FAM83E: variants seen among roughly 807,000 people sequenced by gnomAD.
FAM83E encodes the protein protein FAM83E.
Under a neutral mutation model 34.3 loss-of-function variants are expected in FAM83E, and 29 were observed. The ratio of observed to expected loss-of-function variants is 0.85; its 90% CI spans 0.63 to 1.15. The LOEUF is 1.15. Among genes scored for constraint, FAM83E ranks in the 50% most tolerant of loss-of-function variants. The pLI is 0.00. For synonymous variants in FAM83E, 312 were observed against 311.6 expected (o/e 1.00, Z -0.01); for missense variants, 697 against 685.0 (o/e 1.02, Z -0.20).
Position 48,606,795 on chromosome 19 carries a change from A to T in FAM83E, c.759-2884T>A, listed in dbSNP as rs944233158. 3.7e-5 allele frequency: 25 copies of T among 679,960 alleles called. No individual in the cohort carries two copies. In the African/African-American group the frequency reaches 4.0e-4, roughly 11 times the overall value. The allele number at this position is 679,960 out of a possible 1,614,324, so 42.1% of individuals were successfully genotyped here. On this transcript the variant is annotated intron_variant, in intron 5 of 6. Coordinates refer to ENST00000263266, the MANE Select transcript of FAM83E (RefSeq NM_017708.4). ...CAGCCACCCGCTCACCTCCATCCCC[A>T]GGACTTAGAGGGACGCAGGGCGTTG...
chr19:48,602,250 G>C (rs1973831461), intron 6 of FAM83E, among the ~76,000 whole-genome samples: 1 of 151,106 alleles, frequency 6.6e-6, no homozygotes, highest in Non-Finnish European at 1.5e-5. Flanking sequence ...AGGGGAGCCA[G>C]GAAGGAGAGA....
rs1463221804 is a variant in FAM83E at position 48,614,714 on chromosome 19, C to T, written c.-1262G>A. 2.4e-5 allele frequency: 24 copies of T among 985,384 alleles called. No homozygotes were observed. The highest frequency in any genetic ancestry group is 9.4e-5 in the South Asian group (2 of 21,294). The allele number at this position is 985,384 out of a possible 1,614,324, so 61.0% of individuals were successfully genotyped here. On this transcript the variant is annotated 5_prime_UTR_variant, in exon 2 of 7. Coordinates refer to ENST00000263266, the MANE Select transcript of FAM83E (RefSeq NM_017708.4). The stretch of plus-strand genomic sequence containing the variant: ...CCCCATCGCCGGGGCTCACCCACAC[C>T]GGCTAGTGCCGGGCTCAATGGCCTC...
At chr19:48,608,427 T>C (rs1349480170) in intron 5 of FAM83E, among the ~76,000 whole-genome samples, 1 of 149,130 alleles carries the variant, frequency 6.7e-6, no homozygotes, top group Non-Finnish European at 1.5e-5. Flanking sequence ...TCCGTTTTCT[T>C]TTTCTTTTCC....
chr19:48,609,867 G>T lies in FAM83E; in HGVS notation c.758+9C>A, dbSNP rs775613553. 48 of 1,611,854 alleles carry T rather than the reference G, an allele frequency of 3.0e-5. No homozygotes were observed. The highest frequency in any genetic ancestry group is 3.9e-5 in the Non-Finnish European group (46 of 1,179,566). On this transcript the variant is annotated intron_variant, in intron 5 of 6. Coordinates refer to ENST00000263266, the MANE Select transcript of FAM83E (RefSeq NM_017708.4). Reference sequence around the variant, plus strand: ...CGCCGGGAGGTGGGGGGCGGGGCGGGGGCTACACCTGTAGGATCCTGAGAT... The same window carrying T: ...CGCCGGGAGGTGGGGGGCGGGGCGGTGGCTACACCTGTAGGATCCTGAGAT...
chr19:48,609,963 T>C lies in FAM83E; in HGVS notation c.671A>G (p.Gln224Arg). The change falls in exon 5 of 7, where the codon CAG becomes CGG. Residue 224 changes from glutamine to arginine, a missense_variant. Transcript: ENST00000263266. ...DVRVVRGCSF[Q>R]SRWRRQVSGT... ...GCTCACCTGCCGTCGCCAGCGGCTC[T>C]GGAAGCTGCAGCCCCGCACGACACG... The C allele has an allele frequency of 1.2e-6, 2 of 1,613,118 alleles. No homozygotes were observed. The highest frequency in any genetic ancestry group is 1.7e-6 in the Non-Finnish European group (2 of 1,180,012).
At position 48,603,896 on chromosome 19, in the gene FAM83E, G is replaced by C. The variant is rs776306481; in HGVS notation, c.774C>G (p.Asp258Glu). ...TCACCAGGCCTCGGTGCAGGCGTGC[G>C]TCACTCCACGTGAAGCTGGGGGTCG... is the stretch of plus-strand genomic sequence containing the variant. ...ISGSYSFTWS[D>E]ARLHRGLVTL... The change falls in exon 6 of 7, where the codon GAC becomes GAG. Residue 258 changes from aspartate to glutamate, a missense_variant. Coordinates refer to ENST00000263266, the MANE Select transcript of FAM83E (RefSeq NM_017708.4). 4 of 1,600,160 alleles carry C rather than the reference G, an allele frequency of 2.5e-6. No individual in the cohort carries two copies. The highest frequency in any genetic ancestry group is 2.3e-5 in the East Asian group (1 of 43,508).
Position 48,600,030 on chromosome 19 carries a change from G to C in FAM83E, c.*1079C>G, listed in dbSNP as rs991468015. Reference sequence around the variant, plus strand: ...GCTCCGGCAGACCCGCCCTCTCAGCGCCCACAGAAAGTCCCACCACCCACC... The same window carrying C: ...GCTCCGGCAGACCCGCCCTCTCAGCCCCCACAGAAAGTCCCACCACCCACC... On this transcript the variant is annotated 3_prime_UTR_variant, in exon 7 of 7. Transcript: ENST00000263266. Among the ~76,000 whole-genome samples the C allele has an allele frequency of 6.6e-6, 1 of 152,094 alleles. No homozygotes were observed. The highest frequency in any genetic ancestry group is 1.5e-5 in the Non-Finnish European group (1 of 68,006).
intron 5 of FAM83E, among the ~76,000 whole-genome samples, chr19:48,608,546 G>T (rs1973978603): frequency 6.7e-6 from 1 of 149,910 alleles, no homozygotes; most frequent in Non-Finnish European, 1.5e-5. Context: ...CCAGGTTCTA[G>T]CGATTCTCCT....
rs531939506 is a variant in FAM83E, at chr19:48,613,932, C to T, written c.-560G>A. On this transcript the variant is annotated 5_prime_UTR_variant, in exon 3 of 7. Transcript: ENST00000263266. Reference sequence around the variant, plus strand: ...TGCCTGCCCCCGGCCAAGAGCACGACGAACTGACCCTCTCCTTCCACTGTC... The same window carrying T: ...TGCCTGCCCCCGGCCAAGAGCACGATGAACTGACCCTCTCCTTCCACTGTC... 2.8e-5 allele frequency: 28 copies of T among 985,302 alleles called. No individual in the cohort carries two copies. Among genetic ancestry groups the T allele is most frequent in the Non-Finnish European group, 3.0e-5 (25 of 829,938 alleles). The allele number at this position is 985,302 out of a possible 1,614,324, so 61.0% of individuals were successfully genotyped here.
At position 48,601,284 on chromosome 19, in the gene FAM83E, A is replaced by G; in HGVS notation, c.1262T>C (p.Val421Ala). ...RGTGGGPWGEVDSRPPWGGAL... is the reference protein window; with the variant it reads ...RGTGGGPWGEADSRPPWGGAL... The stretch of plus-strand genomic sequence containing the variant: ...ACCGCCCCACGGAGGTCGGGAGTCC[A>G]CTTCCCCCCAGGGGCCTCCTCCAGT... Residue 421 changes from valine (V) to alanine (A), a missense_variant, in exon 7 of 7, where the codon GTG becomes GCG. By Grantham distance (64) the Val-to-Ala change is moderately conservative. Coordinates refer to ENST00000263266, the MANE Select transcript of FAM83E (RefSeq NM_017708.4). 2 of 1,582,622 alleles carry G rather than the reference A, an allele frequency of 1.3e-6. No homozygotes were observed. Among genetic ancestry groups the G allele is most frequent in the East Asian group, 4.6e-5 (2 of 43,050 alleles).
chr19:48,602,704 A>ATATATAT (rs1392056834), intron 6 of FAM83E, among the ~76,000 whole-genome samples: 1 of 27,486 alleles, frequency 3.6e-5, no homozygotes, highest in Non-Finnish European at 6.1e-5. Context: ...AAAAAAAAAA[A>ATATATAT]ATATATATAT....
At chr19:48,610,036 G>A (rs371901543) in intron 4 of FAM83E, 36 bp from the exon 5 acceptor site, 13 of 1,600,780 alleles carry the variant, frequency 8.1e-6, no homozygotes, top group Non-Finnish European at 1.1e-5. Flanking sequence ...CACCCTTGCT[G>A]AGGCCCACTG....
chr19:48,603,584 G>A lies in FAM83E; in HGVS notation c.1086C>T (p.Thr362=). 3 of 1,548,770 alleles carry A rather than the reference G, an allele frequency of 1.9e-6. No individual in the cohort carries two copies. Among genetic ancestry groups the A allele is most frequent in the Non-Finnish European group, 2.6e-6 (3 of 1,156,710 alleles). ...TGGGCCGGGCCGGGGGGCCGCTGGG[G>A]GTCCGGGCGCGCTGCACACTCCTTA... ...DILRSVQRAR[T]PSGPPARPSR... The change falls in exon 6 of 7, where the codon ACC becomes ACT. Residue 362 remains threonine, a synonymous_variant. Coordinates refer to ENST00000263266, the MANE Select transcript of FAM83E (RefSeq NM_017708.4).
At chr19:48,603,462 T>A (rs1973865722) in intron 6 of FAM83E, 32 bp downstream of exon 6, 1 of 1,513,996 alleles carries the variant, frequency 6.6e-7, no homozygotes, top group Non-Finnish European at 8.8e-7. Flanking sequence ...CTTCCTGGGC[T>A]CCATCTTCTG....
At chr19:48,609,270 T>C (rs1464313266) in intron 5 of FAM83E, among the ~76,000 whole-genome samples, 32 of 144,746 alleles carry the variant, frequency 2.2e-4, no homozygotes, top group Admixed American at 1.7e-3. Flanking sequence ...TCTTTCTTTT[T>C]TTTTTTTTTT....
At position 48,614,155 on chromosome 19, in the gene FAM83E, T is replaced by A. The variant is rs1974101431; in HGVS notation, c.-783A>T. 1.0e-6 allele frequency: 1 copy of A among 985,700 alleles called. No homozygotes were observed. The allele number at this position is 985,700 out of a possible 1,614,324, so 61.1% of individuals were successfully genotyped here. A position where few individuals can be genotyped will look rare whatever the true frequency, so the allele number is the denominator to read the frequency against. ...GCTTGGCAAACCCTTCCCTACCCTG[T>A]CAATGGGGGACCCTGCTCCCTGGAC... On this transcript the variant is annotated 5_prime_UTR_variant, in exon 3 of 7. The change abolishes the stop of an existing upstream ORF in the 5' untranslated region. Coordinates refer to ENST00000263266, the MANE Select transcript of FAM83E (RefSeq NM_017708.4).
At chr19:48,610,650 A>G (rs750327139) in intron 4 of FAM83E, 30 bp downstream of exon 4, 15 of 1,545,898 alleles carry the variant, frequency 9.7e-6, no homozygotes, top group Non-Finnish European at 1.2e-5. Flanking sequence ...GGGAATGGGG[A>G]CTCACAGGAC....
In FAM83E at chr19:48,603,924, G is replaced by A; in HGVS notation, c.759-13C>T. ...ACTCCACGTGAAGCTGGGGGTCGGG[G>A]AGTAGGGGGTCAGAGTCTCCAACCC... On this transcript the variant is annotated splice_polypyrimidine_tract_variant and intron_variant, in intron 5 of 6. Coordinates refer to ENST00000263266, the MANE Select transcript of FAM83E (RefSeq NM_017708.4). The A allele has an allele frequency of 6.3e-7, 1 of 1,589,660 alleles. No individual in the cohort carries two copies. Among genetic ancestry groups the A allele is most frequent in the African/African-American group, 1.4e-5 (1 of 73,072 alleles).
chr19:48,607,375 G>T, intron 5 of FAM83E: 2 of 1,556,766 alleles, frequency 1.3e-6, no homozygotes, highest in South Asian at 1.2e-5. Context: ...GACAGGGCCT[G>T]GGACTGTTCT....
Sources: gnomAD v4.1 joint callset for allele counts (sites outside exome capture counted in the v4.1 genomes callset) on GRCh38, gnomAD v4.1.1 for gene constraint, MANE v1.5 for transcripts, NCBI Gene and HGNC (gene_info 2026-07-23, HGNC 2026-07-21) for gene names.